FBXW2: variants seen among roughly 807,000 people sequenced by gnomAD.
FBXW2 encodes F-box/WD repeat-containing protein 2.
A neutral mutation model predicts 46.0 loss-of-function variants in FBXW2; 12 were observed. The ratio of observed to expected loss-of-function variants is 0.26; its 90% confidence interval spans 0.17 to 0.42. The LOEUF (loss-of-function observed/expected upper bound fraction) is 0.42, where lower values mean the gene tolerates loss of function less well. Ranked by LOEUF, FBXW2 falls within the 10% of genes least tolerant of loss-of-function variation. FBXW2 has a pLI of 1.00. For missense variants in FBXW2, 360 were observed against 537.0 expected (o/e 0.67, Z 3.26); for synonymous variants, 203 against 209.6 (o/e 0.97, Z 0.27).
Position 120,760,257 on chromosome 9 carries a change from G to A in FBXW2, c.*4302C>T, listed in dbSNP as rs2044177057. 1 of 152,322 alleles carries A rather than the reference G, an allele frequency of 6.6e-6. No homozygotes were observed. The highest frequency in any genetic ancestry group is 2.1e-4 in the South Asian group (1 of 4,832). 9.4% of individuals were successfully genotyped at this position (152,322 alleles called of 1,614,324 possible). A position where few individuals can be genotyped will look rare whatever the true frequency, so the allele number is the denominator to read the frequency against. On this transcript the variant is annotated 3_prime_UTR_variant, in exon 8 of 8. Coordinates refer to ENST00000608872, the MANE Select transcript of FBXW2 (RefSeq NM_012164.4). Reference sequence around the variant, plus strand: ...CGGACTGCATCATGAGTAGCAATCTGATTCTGCTCGCTTCCCAACAGAGAA... The same window carrying A: ...CGGACTGCATCATGAGTAGCAATCTAATTCTGCTCGCTTCCCAACAGAGAA...
At chr9:120,767,218 A>G (rs2131285683) in intron 7 of FBXW2, among the ~76,000 whole-genome samples, 1 of 152,374 alleles carries the variant, frequency 6.6e-6, no homozygotes, top group Non-Finnish European at 1.5e-5. Context: ...AAAAAAATCT[A>G]TGATACTAAG....
chr9:120,764,550 C>T lies in FBXW2; in HGVS notation c.*9G>A. 1 of 1,604,586 alleles carries T rather than the reference C, an allele frequency of 6.2e-7. No homozygotes were observed. The highest frequency in any genetic ancestry group is 8.5e-7 in the Non-Finnish European group (1 of 1,172,166). On this transcript the variant is annotated 3_prime_UTR_variant, in exon 8 of 8. Coordinates refer to ENST00000608872, the MANE Select transcript of FBXW2 (RefSeq NM_012164.4). ...ACCCAAAGTCAGTCAGCGGTGGTGGCTCATGGTGTCAGCCGTGCTCCTTCC... is the reference window on the plus strand; with the variant it reads ...ACCCAAAGTCAGTCAGCGGTGGTGGTTCATGGTGTCAGCCGTGCTCCTTCC...
chr9:120,767,127 T>C (rs138728786), intron 7 of FBXW2, among the ~76,000 whole-genome samples: 1 of 152,288 alleles, frequency 6.6e-6, no homozygotes, highest in African/African-American at 2.4e-5. Context: ...CTGGGCAATA[T>C]AGATAGAATA....
intron 2 of FBXW2, among the ~76,000 whole-genome samples, chr9:120,791,207 T>A (rs1281285196): frequency 2.0e-5 from 3 of 152,228 alleles, no homozygotes; most frequent in African/African-American, 7.2e-5. Context: ...ATACACTGGT[T>A]GCACAAACCT....
In FBXW2 at chr9:120,778,491, T is replaced by C. The variant is rs556199623; in HGVS notation, c.545A>G (p.Tyr182Cys). The change falls in exon 4 of 8, where the codon TAT becomes TGT. Residue 182 changes from tyrosine to cysteine, a missense_variant. Tyr to Cys is a radical substitution (Grantham distance 194, BLOSUM62 -2). Transcript: ENST00000608872. ...LWDVSTGQCV[Y>C]GIQTHTCAAV... ...TGCACAAGTGTGGGTCTGGATGCCA[T>C]AAACGCACTGCCCTGTGCTCACATC... is the stretch of plus-strand genomic sequence containing the variant. 3.1e-6 allele frequency: 5 copies of C among 1,614,100 alleles called. No individual in the cohort carries two copies. Among genetic ancestry groups the C allele is most frequent in the East Asian group, 4.5e-5 (2 of 44,868 alleles).
In FBXW2 at chr9:120,764,341, T is replaced by C. The variant is rs957849868; in HGVS notation, c.*218A>G. On this transcript the variant is annotated 3_prime_UTR_variant, in exon 8 of 8. Coordinates refer to ENST00000608872, the MANE Select transcript of FBXW2 (RefSeq NM_012164.4). ...CATAACTAAGTACAAATGAAGTCAA[T>C]GGTGTACCCCATTAGCATGCTGCGT... 3 of 542,950 alleles carry C rather than the reference T, an allele frequency of 5.5e-6. No homozygotes were observed. Among genetic ancestry groups the C allele is most frequent in the South Asian group, 3.0e-5 (1 of 33,852 alleles). 33.6% of individuals were successfully genotyped at this position (542,950 alleles called of 1,614,324 possible). A position where few individuals can be genotyped will look rare whatever the true frequency, so the allele number is the denominator to read the frequency against.
rs963724375 is a variant in FBXW2 at position 120,759,974 on chromosome 9, T to C, written c.*4585A>G. 2.0e-5 allele frequency: 3 copies of C among 152,264 alleles called. No individual in the cohort carries two copies. The highest frequency in any genetic ancestry group is 7.2e-5 in the African/African-American group (3 of 41,472). 9.4% of individuals were successfully genotyped at this position (152,264 alleles called of 1,614,324 possible). A position where few individuals can be genotyped will look rare whatever the true frequency, so the allele number is the denominator to read the frequency against. On this transcript the variant is annotated 3_prime_UTR_variant, in exon 8 of 8. Coordinates refer to ENST00000608872, the MANE Select transcript of FBXW2 (RefSeq NM_012164.4). ...GATTTATTCTGAAAAAAGTTTACTTTCCTAGAGCAGGCATGGGGAACCTTT... is the reference window on the plus strand; with the variant it reads ...GATTTATTCTGAAAAAAGTTTACTTCCCTAGAGCAGGCATGGGGAACCTTT...
At chr9:120,771,599 A>T in intron 6 of FBXW2, 82 bp from the exon 7 acceptor site, 1 of 1,267,366 alleles carries the variant, frequency 7.9e-7, no homozygotes, top group Non-Finnish European at 1.1e-6. Flanking sequence ...TGCATTTGTG[A>T]AGTCAGATAG....
rs1324904938 is a variant in FBXW2, at chr9:120,764,421, CATAG to C, written c.*134_*137del. On this transcript the variant is annotated 3_prime_UTR_variant, in exon 8 of 8. Coordinates refer to ENST00000608872, the MANE Select transcript of FBXW2 (RefSeq NM_012164.4). ...CCCCGAGCCCTGGCCCCTGGCAAAACATAGATAAATGATTGTGCACTGCGTGATG... is the reference window on the plus strand; with the variant it reads ...CCCCGAGCCCTGGCCCCTGGCAAAACATAAATGATTGTGCACTGCGTGATG... 6.9e-6 allele frequency: 7 copies of C among 1,013,902 alleles called. No homozygotes were observed. Among genetic ancestry groups the C allele is most frequent in the Non-Finnish European group, 1.0e-5 (7 of 688,932 alleles). The allele number at this position is 1,013,902 out of a possible 1,614,324, so 62.8% of individuals were successfully genotyped here.
chr9:120,787,662 TATCTC>T (rs2131372927), intron 3 of FBXW2, 102 bp downstream of exon 3: 2 of 1,217,222 alleles, frequency 1.6e-6, no homozygotes, highest in Non-Finnish European at 2.3e-6. Flanking sequence ...TCACTGTACA[TATCTC>T]ATATAATCAA....
In FBXW2 at chr9:120,758,764, G is replaced by A. The variant is rs2044154943; in HGVS notation, c.*5795C>T. 6.6e-6 allele frequency: 1 copy of A among 152,158 alleles called. No homozygotes were observed. The highest frequency in any genetic ancestry group is 6.5e-5 in the Admixed American group (1 of 15,280). 9.4% of individuals were successfully genotyped at this position (152,158 alleles called of 1,614,324 possible). A position where few individuals can be genotyped will look rare whatever the true frequency, so the allele number is the denominator to read the frequency against. ...ATGATGCTGTCAGGGGATCAAAGGT[G>A]CAGGGCCGTGGTACTCAAATGACAA... is the stretch of plus-strand genomic sequence containing the variant. On this transcript the variant is annotated 3_prime_UTR_variant, in exon 8 of 8. Coordinates refer to ENST00000608872, the MANE Select transcript of FBXW2 (RefSeq NM_012164.4).
intron 2 of FBXW2, among the ~76,000 whole-genome samples, chr9:120,791,247 G>A (rs1184122453): frequency 6.6e-6 from 1 of 152,152 alleles, no homozygotes; most frequent in East Asian, 1.9e-4. Context: ...TCAACATGAG[G>A]AGCTTTTAAA....
chr9:120,780,205 A>C (rs2044581883), intron 3 of FBXW2, among the ~76,000 whole-genome samples: 1 of 151,974 alleles, frequency 6.6e-6, no homozygotes, highest in Non-Finnish European at 1.5e-5. Context: ...AAAAAATACA[A>C]AAATTAGCCA....
intron 7 of FBXW2, among the ~76,000 whole-genome samples, chr9:120,766,138 G>C (rs2044271423): frequency 6.6e-6 from 1 of 152,156 alleles, no homozygotes. Context: ...AACTAGTATA[G>C]GTTCAAGAGA....
intron 3 of FBXW2, among the ~76,000 whole-genome samples, chr9:120,779,795 T>C (rs1454256634): frequency 6.6e-6 from 1 of 152,152 alleles, no homozygotes. Flanking sequence ...AACGGTGCTA[T>C]CCAACAGAAA....
chr9:120,773,239 C>T (rs542719924), intron 5 of FBXW2, among the ~76,000 whole-genome samples: 6 of 150,720 alleles, frequency 4.0e-5, no homozygotes, highest in Admixed American at 3.3e-4. Context: ...TCTTAGCATT[C>T]GTCTAGAAGC....
Position 120,778,474 on chromosome 9 carries a change from T to A in FBXW2, c.562A>T (p.Thr188Ser). The part of the protein sequence containing the change: ...GQCVYGIQTH[T>S]CAAVKFDEQK... ...TCATCAAACTTCACCGCTGCACAAG[T>A]GTGGGTCTGGATGCCATAAACGCAC... The change falls in exon 4 of 8, where the codon ACT becomes TCT. Residue 188 changes from threonine to serine, a missense_variant. By Grantham distance (58) the Thr-to-Ser change is moderately conservative (BLOSUM62 1). Transcript: ENST00000608872. 6.2e-7 allele frequency: 1 copy of A among 1,614,154 alleles called. No individual in the cohort carries two copies. The highest frequency in any genetic ancestry group is 2.2e-5 in the East Asian group (1 of 44,876).
chr9:120,770,003 TC>T lies in FBXW2; in HGVS notation c.1076+1344del, dbSNP rs2044342670. Among the ~76,000 whole-genome samples the T allele has an allele frequency of 7.3e-5, 11 of 151,450 alleles. No homozygotes were observed. In the Admixed American group the frequency reaches 7.4e-4, roughly 10 times the overall value. ...CATAAATGGGGTTGTAACTTTGTGA[TC>T]AGAGAGATGTGGCCCACCAAAGTTT... On this transcript the variant is annotated intron_variant, in intron 7 of 7. Transcript: ENST00000608872.
intron 3 of FBXW2, among the ~76,000 whole-genome samples, chr9:120,781,478 G>A (rs1046566595): frequency 2.6e-5 from 4 of 152,122 alleles, no homozygotes; most frequent in African/African-American, 9.7e-5. Flanking sequence ...TTAGGAGGTT[G>A]TTTAACTATG....
Sources: gnomAD v4.1 joint callset for allele counts (sites outside exome capture counted in the v4.1 genomes callset) on GRCh38, gnomAD v4.1.1 for gene constraint, MANE v1.5 for transcripts, NCBI Gene and HGNC (gene_info 2026-07-23, HGNC 2026-07-21) for gene names.